The following ROBO1 variants were observed in gnomAD, a reference collection of about 807,000 sequenced individuals.
ROBO1 encodes roundabout homolog 1.
In ROBO1, 149 loss-of-function variants were observed where a neutral mutation model predicts 195.9. The observed-to-expected ratio is 0.76, with a 90% CI of 0.67 to 0.87. The LOEUF is 0.87. Among genes scored for constraint, ROBO1 ranks in the 40% least tolerant of loss-of-function variants. The pLI, the probability that ROBO1 is intolerant of heterozygous loss-of-function variation, is 0.00. For missense variants in ROBO1, 1,933 were observed against 2,068.3 expected (o/e 0.93, Z 1.27); for synonymous variants, 816 against 733.2 (o/e 1.11, Z -1.82).
chr3:78,885,412 TAAAAAAAAAAAAAAAA>T (rs59912706), intron 4 of ROBO1, among the ~76,000 whole-genome samples: 2 of 53,676 alleles, frequency 3.7e-5, no homozygotes, highest in Non-Finnish European at 3.2e-5. Context: ...AATTTAAAAC[TAAAAAAAAAAAAAAAA>T]AAAAAAAAAA....
At chr3:79,111,578 A>G (rs1484060924) in intron 3 of ROBO1, among the ~76,000 whole-genome samples, 1 of 152,008 alleles carries the variant, frequency 6.6e-6, no homozygotes, top group East Asian at 1.9e-4. Flanking sequence ...GATCATATTC[A>G]TTTCCCAACA....
chr3:78,612,011 C>A (rs780746389), intron 28 of ROBO1, among the ~76,000 whole-genome samples: 2 of 152,088 alleles, frequency 1.3e-5, no homozygotes, highest in South Asian at 4.1e-4. Flanking sequence ...TTTGTTATGG[C>A]GGCCCTAGCA....
At chr3:79,702,315 A>G (rs1947643516) in intron 1 of ROBO1, among the ~76,000 whole-genome samples, 2 of 151,894 alleles carry the variant, frequency 1.3e-5, no homozygotes, top group Admixed American at 1.3e-4. Flanking sequence ...GGTTTTGCTC[A>G]GGTGGACAAT....
chr3:79,565,806 G>T (rs1943070985), intron 2 of ROBO1, among the ~76,000 whole-genome samples: 1 of 152,058 alleles, frequency 6.6e-6, no homozygotes, highest in African/African-American at 2.4e-5. Context: ...CCATGAAAAT[G>T]TGGTGCTTTT....
chr3:79,294,181 C>T (rs978504063), intron 2 of ROBO1, among the ~76,000 whole-genome samples: 8 of 151,498 alleles, frequency 5.3e-5, no homozygotes, highest in Admixed American at 4.6e-4. Flanking sequence ...AGGCATCATG[C>T]TACCTGGTTT....
Position 78,659,679 on chromosome 3 carries a change from C to T in ROBO1, c.2442+7G>A, listed in dbSNP as rs146871662. 4.6e-4 allele frequency: 691 copies of T among 1,508,684 alleles called. 5 individuals are homozygous for T. The East Asian group carries it at 0.016, about 34-fold the overall frequency. The allele number at this position is 1,508,684 out of a possible 1,614,324, so 93.5% of individuals were successfully genotyped here. On this transcript the variant is annotated splice_region_variant and intron_variant, in intron 17 of 30. Transcript: ENST00000464233. ...GACATTAATATATATATATATTATA[C>T]TCATACCTTATACTCTTGGACCATT...
At chr3:79,274,438 A>C (rs563291373) in intron 2 of ROBO1, among the ~76,000 whole-genome samples, 1 of 152,140 alleles carries the variant, frequency 6.6e-6, no homozygotes, top group African/African-American at 2.4e-5. Flanking sequence ...AAATTTAAAT[A>C]TTTCTTGAAA....
chr3:78,939,542 C>T (rs1416129511), intron 3 of ROBO1, among the ~76,000 whole-genome samples: 3 of 150,678 alleles, frequency 2.0e-5, no homozygotes, highest in Non-Finnish European at 4.4e-5. Context: ...GGCGTGAACC[C>T]GGGAGGCGGA....
chr3:79,714,553 T>C (rs1420923755), intron 1 of ROBO1, among the ~76,000 whole-genome samples: 1 of 151,848 alleles, frequency 6.6e-6, no homozygotes, highest in Admixed American at 6.6e-5. Flanking sequence ...TGCACATGTA[T>C]GTTTATTGTG....
chr3:79,222,139 CTCT>C (rs944803681), intron 2 of ROBO1, among the ~76,000 whole-genome samples: 2 of 152,060 alleles, frequency 1.3e-5, no homozygotes, highest in Non-Finnish European at 2.9e-5. Context: ...ATACCATCTT[CTCT>C]TCTTATCTCT....
chr3:78,891,529 T>G (rs1263128962), intron 4 of ROBO1, among the ~76,000 whole-genome samples: 1 of 152,192 alleles, frequency 6.6e-6, no homozygotes, highest in East Asian at 1.9e-4. Flanking sequence ...TGGAAAACTG[T>G]CTGGCTGGTC....
At chr3:78,957,892 T>C (rs147953411) in intron 3 of ROBO1, among the ~76,000 whole-genome samples, 9 of 152,274 alleles carry the variant, frequency 5.9e-5, no homozygotes, top group African/African-American at 1.9e-4. Flanking sequence ...GATCCTTCAA[T>C]AATAATAAAC....
In ROBO1 at chr3:79,033,207, G is replaced by A. The variant is rs181107078; in HGVS notation, c.172+92249C>T. On this transcript the variant is annotated intron_variant, in intron 3 of 30. Coordinates refer to ENST00000464233, the MANE Select transcript of ROBO1 (RefSeq NM_002941.4). Reference sequence around the variant, plus strand: ...AGTCTCATAATTGTCCAGGAATTCTGGGGATTTTCCAACAAGATATGTATG... The same window carrying A: ...AGTCTCATAATTGTCCAGGAATTCTAGGGATTTTCCAACAAGATATGTATG... 9.3e-4 allele frequency among the ~76,000 whole-genome samples: 141 copies of A among 152,102 alleles called. 2 individuals are homozygous for A. The highest frequency in any genetic ancestry group is 5.2e-4 in the Non-Finnish European group (35 of 67,910).
chr3:79,474,323 A>G (rs1938436287), intron 2 of ROBO1, among the ~76,000 whole-genome samples: 1 of 152,162 alleles, frequency 6.6e-6, no homozygotes, highest in Admixed American at 6.6e-5. Context: ...TTTTGAAACA[A>G]TAATTGAAAA....
chr3:78,801,359 C>G (rs1349124723), intron 4 of ROBO1, among the ~76,000 whole-genome samples: 6 of 152,102 alleles, frequency 3.9e-5, no homozygotes, highest in African/African-American at 1.4e-4. Context: ...TAATCCGGAA[C>G]CTATTACATC....
At chr3:78,909,671 T>C (rs916755707) in intron 4 of ROBO1, among the ~76,000 whole-genome samples, 3 of 151,840 alleles carry the variant, frequency 2.0e-5, no homozygotes, top group African/African-American at 7.2e-5. Flanking sequence ...TCAATTACTA[T>C]TTTTATTTCA....
chr3:79,437,689 T>G (rs2038932364), intron 2 of ROBO1, among the ~76,000 whole-genome samples: 1 of 151,916 alleles, frequency 6.6e-6, no homozygotes, highest in Non-Finnish European at 1.5e-5. Context: ...GTGTATAGAG[T>G]GCAATGACAG....
intron 2 of ROBO1, among the ~76,000 whole-genome samples, chr3:79,275,838 G>A (rs1295910399): frequency 6.6e-6 from 1 of 151,174 alleles, no homozygotes; most frequent in African/African-American, 2.4e-5. Context: ...TGCAAACAAC[G>A]AACAATCTGT....
intron 4 of ROBO1, among the ~76,000 whole-genome samples, chr3:78,864,585 C>A (rs2035049504): frequency 6.6e-6 from 1 of 151,906 alleles, no homozygotes; most frequent in Non-Finnish European, 1.5e-5. Flanking sequence ...AATTCATTTT[C>A]AAAATTGGAT....
Sources: gnomAD v4.1 joint callset for allele counts (sites outside exome capture counted in the v4.1 genomes callset) on GRCh38, gnomAD v4.1.1 for gene constraint, MANE v1.5 for transcripts, NCBI Gene and HGNC (gene_info 2026-07-23, HGNC 2026-07-21) for gene names.